The following SLC9A9 variants were observed in gnomAD, a reference collection of about 807,000 sequenced individuals.
SLC9A9 encodes the protein solute carrier family 9 member A9, also known as sodium/hydrogen exchanger 9.
In SLC9A9, 62 loss-of-function variants were observed where a neutral mutation model predicts 77.8. That is an observed-to-expected ratio of 0.80 (90% CI 0.65 to 0.98). SLC9A9 has a LOEUF of 0.98. SLC9A9 is among the 50% of genes least tolerant of loss of function. The probability of loss-of-function intolerance (pLI) is 0.00; values close to 1 mark genes in which losing one functional copy is unlikely to be tolerated. For missense variants in SLC9A9, 775 were observed against 774.9 expected (o/e 1.00, Z 0.00); for synonymous variants, 320 against 283.5 (o/e 1.13, Z -1.29).
intron 7 of SLC9A9, among the ~76,000 whole-genome samples, chr3:143,576,701 G>A (rs1049033699): frequency 2.6e-5 from 4 of 152,170 alleles, no homozygotes; most frequent in Admixed American, 6.5e-5. Context: ...TTGGGCAACA[G>A]CTTACCCTTT....
intron 9 of SLC9A9, among the ~76,000 whole-genome samples, chr3:143,543,674 G>C (rs1156978470): frequency 6.6e-6 from 1 of 152,084 alleles, no homozygotes; most frequent in South Asian, 2.1e-4. Flanking sequence ...AATTTGCTTA[G>C]GATAATGGCC....
chr3:143,355,536 C>T (rs2032563840), intron 14 of SLC9A9, among the ~76,000 whole-genome samples: 1 of 152,166 alleles, frequency 6.6e-6, no homozygotes, highest in Non-Finnish European at 1.5e-5. Flanking sequence ...GCTATAATAG[C>T]AAATCAATAG....
At chr3:143,705,317 G>C (rs1177960721) in intron 4 of SLC9A9, among the ~76,000 whole-genome samples, 1 of 152,014 alleles carries the variant, frequency 6.6e-6, no homozygotes, top group Middle Eastern at 3.2e-3. Flanking sequence ...GGGTGTGGAG[G>C]AGGGGAAGTG....
At chr3:143,289,134 G>A (rs1486873213) in intron 14 of SLC9A9, among the ~76,000 whole-genome samples, 2 of 152,148 alleles carry the variant, frequency 1.3e-5, no homozygotes, top group African/African-American at 2.4e-5. Flanking sequence ...GATGACAGGA[G>A]GCCAAGGGCT....
chr3:143,690,734 G>A (rs1933437394), intron 5 of SLC9A9, among the ~76,000 whole-genome samples: 1 of 152,128 alleles, frequency 6.6e-6, no homozygotes, highest in Non-Finnish European at 1.5e-5. Flanking sequence ...TTGGTCACAT[G>A]TGCAGGATGC....
chr3:143,496,120 A>C (rs1223269877), intron 9 of SLC9A9, among the ~76,000 whole-genome samples: 1 of 152,264 alleles, frequency 6.6e-6, no homozygotes, highest in African/African-American at 2.4e-5. Flanking sequence ...TGCAGCAAGA[A>C]CACAATAGAT....
chr3:143,687,546 G>T (rs1471796336), intron 5 of SLC9A9, among the ~76,000 whole-genome samples: 1 of 152,126 alleles, frequency 6.6e-6, no homozygotes, highest in Non-Finnish European at 1.5e-5. Flanking sequence ...TTTAGCATTT[G>T]TTGATTTGAG....
intron 14 of SLC9A9, among the ~76,000 whole-genome samples, chr3:143,281,248 A>G (rs1938209642): frequency 6.6e-6 from 1 of 152,214 alleles, no homozygotes. Flanking sequence ...CATTTGCCCT[A>G]GAGAATCACC....
chr3:143,786,006 G>A (rs1037188096), intron 4 of SLC9A9, among the ~76,000 whole-genome samples: 6 of 151,348 alleles, frequency 4.0e-5, no homozygotes, highest in Non-Finnish European at 4.4e-5. Context: ...ACAGGCACGC[G>A]CCACCATGCC....
At chr3:143,808,471 T>C (rs1487574455) in intron 2 of SLC9A9, among the ~76,000 whole-genome samples, 1 of 152,208 alleles carries the variant, frequency 6.6e-6, no homozygotes, top group Non-Finnish European at 1.5e-5. Context: ...TTAGTACATT[T>C]GACTTTTGGT....
At chr3:143,784,557 C>T (rs940742706) in intron 4 of SLC9A9, among the ~76,000 whole-genome samples, 4 of 149,034 alleles carry the variant, frequency 2.7e-5, no homozygotes, top group African/African-American at 9.9e-5. Context: ...GGGGGTTTTA[C>T]CATGTTGCCC....
chr3:143,800,075 C>CT (rs2008509182), intron 2 of SLC9A9, among the ~76,000 whole-genome samples: 2 of 152,252 alleles, frequency 1.3e-5, no homozygotes, highest in South Asian at 4.1e-4. Flanking sequence ...AAATTATCTG[C>CT]TTCCCTGACT....
intron 12 of SLC9A9, 29 bp downstream of exon 12, chr3:143,467,008 G>T: frequency 6.2e-7 from 1 of 1,609,286 alleles, no homozygotes; most frequent in South Asian, 1.1e-5. Context: ...GCCTCATAAT[G>T]ATTTCCTTTG....
chr3:143,272,944 G>A (rs1390169592), intron 14 of SLC9A9, among the ~76,000 whole-genome samples: 1 of 152,234 alleles, frequency 6.6e-6, no homozygotes, highest in East Asian at 1.9e-4. Context: ...TTTAACTTGC[G>A]TGAAATAGGA....
chr3:143,740,812 T>A (rs1373198289), intron 4 of SLC9A9, among the ~76,000 whole-genome samples: 1 of 152,218 alleles, frequency 6.6e-6, no homozygotes, highest in Non-Finnish European at 1.5e-5. Context: ...CATTAAGTAC[T>A]GTACTGTAGT....
At chr3:143,672,497 A>G (rs2039173537) in intron 5 of SLC9A9, among the ~76,000 whole-genome samples, 1 of 152,220 alleles carries the variant, frequency 6.6e-6, no homozygotes, top group South Asian at 2.1e-4. Flanking sequence ...AATGTGAGTA[A>G]TCTTTCTCCG....
At chr3:143,771,933 A>G (rs1448544741) in intron 4 of SLC9A9, among the ~76,000 whole-genome samples, 1 of 152,108 alleles carries the variant, frequency 6.6e-6, no homozygotes, top group Admixed American at 6.6e-5. Flanking sequence ...GAGCAGGAGG[A>G]CAGAGGAGGA....
At chr3:143,373,736 T>C (rs2033111469) in intron 13 of SLC9A9, among the ~76,000 whole-genome samples, 1 of 151,450 alleles carries the variant, frequency 6.6e-6, no homozygotes. Context: ...GTCAGTGAAC[T>C]TGAAAAGAGA....
At chr3:143,807,729 A>T (rs2008760513) in intron 2 of SLC9A9, among the ~76,000 whole-genome samples, 2 of 152,092 alleles carry the variant, frequency 1.3e-5, no homozygotes, top group Non-Finnish European at 2.9e-5. Flanking sequence ...TGGGCAATAG[A>T]ATGAGACTCT....
Sources: gnomAD v4.1 joint callset for allele counts (sites outside exome capture counted in the v4.1 genomes callset) on GRCh38, gnomAD v4.1.1 for gene constraint, MANE v1.5 for transcripts, NCBI Gene and HGNC (gene_info 2026-07-23, HGNC 2026-07-21) for gene names.